FBXO38: variants seen among roughly 807,000 people sequenced by gnomAD.
FBXO38 encodes the protein F-box protein 38, also known as F-box only protein 38.
FBXO38 carries 53 observed loss-of-function variants against 131.9 expected under a neutral mutation model. The ratio of observed to expected loss-of-function variants is 0.40; its 90% CI spans 0.32 to 0.51. The LOEUF is 0.51. Among genes scored for constraint, FBXO38 ranks in the 20% least tolerant of loss-of-function variants. FBXO38 has a pLI of 0.53. For synonymous variants in FBXO38, 452 were observed against 505.6 expected (o/e 0.89, Z 1.42); for missense variants, 1,076 against 1,475.6 (o/e 0.73, Z 4.44).
intron 14 of FBXO38, among the ~76,000 whole-genome samples, chr5:148,426,942 G>C (rs1753741201): frequency 6.6e-6 from 1 of 152,158 alleles, no homozygotes; most frequent in Middle Eastern, 3.2e-3. Context: ...CTGGAATGTA[G>C]AATGTATATG....
chr5:148,409,511 G>A (rs1752632696), intron 8 of FBXO38, among the ~76,000 whole-genome samples: 1 of 152,174 alleles, frequency 6.6e-6, no homozygotes, highest in Non-Finnish European at 1.5e-5. Flanking sequence ...ATAGAAGTTA[G>A]CATTGAAGCT....
intron 3 of FBXO38, among the ~76,000 whole-genome samples, chr5:148,400,655 T>C (rs1281414996): frequency 6.6e-6 from 1 of 152,150 alleles, no homozygotes; most frequent in Non-Finnish European, 1.5e-5. Context: ...AATAGTACTT[T>C]ATGGTTTACG....
intron 17 of FBXO38, among the ~76,000 whole-genome samples, chr5:148,435,819 T>C (rs751268939): frequency 2.0e-5 from 3 of 152,150 alleles, no homozygotes; most frequent in Non-Finnish European, 4.4e-5. Context: ...TTCCTTTTAC[T>C]TGAACACTTA....
chr5:148,419,996 A>C (rs1437822997), intron 12 of FBXO38, among the ~76,000 whole-genome samples: 1 of 152,152 alleles, frequency 6.6e-6, no homozygotes, highest in Non-Finnish European at 1.5e-5. Flanking sequence ...ATATTATCTT[A>C]AGTTTGTATT....
chr5:148,438,204 T>C, intron 17 of FBXO38, 128 bp from the exon 18 acceptor site: 1 of 777,056 alleles, frequency 1.3e-6, no homozygotes, highest in Non-Finnish European at 1.9e-6. Context: ...TAACTGTGAT[T>C]TGTACTCTAT....
At chr5:148,425,786 A>C in intron 14 of FBXO38, 85 bp downstream of exon 14, 1 of 1,161,340 alleles carries the variant, frequency 8.6e-7, no homozygotes, top group Non-Finnish European at 1.2e-6. Context: ...ACTTGGGTGC[A>C]GTTAACATAT....
chr5:148,405,695 G>C (rs1450496211), intron 6 of FBXO38, among the ~76,000 whole-genome samples: 3 of 152,114 alleles, frequency 2.0e-5, no homozygotes, highest in Non-Finnish European at 2.9e-5. Context: ...CTCTGTTTTT[G>C]TATGCGTTCT....
At chr5:148,416,682 G>C (rs1753073620) in intron 11 of FBXO38, 1 of 338,426 alleles carries the variant, frequency 3.0e-6, no homozygotes. Context: ...CAATATAATG[G>C]GGAAAGCTCA....
chr5:148,438,249 C>A, intron 17 of FBXO38, 83 bp from the exon 18 acceptor site: 1 of 1,170,754 alleles, frequency 8.5e-7, no homozygotes, highest in Non-Finnish European at 1.2e-6. Context: ...ATGTTTGTTA[C>A]TGCAGTATTT....
chr5:148,393,587 G>A (rs1040985594), intron 1 of FBXO38, among the ~76,000 whole-genome samples: 2 of 152,048 alleles, frequency 1.3e-5, no homozygotes, highest in Non-Finnish European at 2.9e-5. Context: ...TACTGTCTTT[G>A]CAGCAGTTAT....
At position 148,422,432 on chromosome 5, in the gene FBXO38, C is replaced by CT. The variant is rs373036502; in HGVS notation, c.1619-1564dup. ...AATGTTAATCTCAGAGATGTCTTTC[C>CT]TTGCCATCTGATCTTAAGCAGCCAC... On this transcript the variant is annotated intron_variant, in intron 12 of 21. Transcript: ENST00000340253. Among the ~76,000 whole-genome samples the CT allele has an allele frequency of 9.9e-5, 15 of 152,264 alleles. No homozygotes were observed. The East Asian group carries it at 2.3e-3, about 24-fold the overall frequency.
chr5:148,418,310 T>G (rs1753184172), intron 12 of FBXO38, among the ~76,000 whole-genome samples: 2 of 152,200 alleles, frequency 1.3e-5, no homozygotes, highest in African/African-American at 4.8e-5. Flanking sequence ...CCTCCTGTAT[T>G]CCACTTTTGT....
At chr5:148,408,562 C>T (rs543959903) in intron 7 of FBXO38, among the ~76,000 whole-genome samples, 71 of 152,234 alleles carry the variant, frequency 4.7e-4, no homozygotes, top group Non-Finnish European at 7.9e-4. Flanking sequence ...AGCTACACAG[C>T]GATATGGATG....
chr5:148,421,839 C>T (rs865985581), intron 12 of FBXO38, among the ~76,000 whole-genome samples: 1 of 152,154 alleles, frequency 6.6e-6, no homozygotes, highest in Admixed American at 6.5e-5. Flanking sequence ...CCAAGAATCA[C>T]TTGTATCTTC....
At chr5:148,385,776 C>T (rs1204269207) in intron 1 of FBXO38, among the ~76,000 whole-genome samples, 1 of 152,056 alleles carries the variant, frequency 6.6e-6, no homozygotes, top group East Asian at 1.9e-4. Flanking sequence ...AAGTGATATG[C>T]AAGATTACTT....
chr5:148,388,465 C>T (rs58737746), intron 1 of FBXO38, among the ~76,000 whole-genome samples: 3 of 152,184 alleles, frequency 2.0e-5, no homozygotes, highest in Non-Finnish European at 4.4e-5. Context: ...GAAGGCTGTA[C>T]GTACTGAAAA....
intron 3 of FBXO38, among the ~76,000 whole-genome samples, chr5:148,400,282 T>C (rs1019739211): frequency 6.6e-6 from 1 of 152,064 alleles, no homozygotes; most frequent in Admixed American, 6.6e-5. Flanking sequence ...GAAAAAAAAT[T>C]AGGGCAGTGT....
intron 14 of FBXO38, among the ~76,000 whole-genome samples, chr5:148,426,958 T>C (rs1753742554): frequency 6.6e-6 from 1 of 152,014 alleles, no homozygotes; most frequent in African/African-American, 2.4e-5. Flanking sequence ...ATATGGAGGG[T>C]ACGACATGGA....
chr5:148,403,654 C>G (rs1403015861), intron 5 of FBXO38, among the ~76,000 whole-genome samples: 1 of 152,112 alleles, frequency 6.6e-6, no homozygotes, highest in African/African-American at 2.4e-5. Flanking sequence ...ATAGTTCAAA[C>G]TAAATTTAAC....
Sources: gnomAD v4.1 joint callset for allele counts (sites outside exome capture counted in the v4.1 genomes callset) on GRCh38, gnomAD v4.1.1 for gene constraint, MANE v1.5 for transcripts, NCBI Gene and HGNC (gene_info 2026-07-23, HGNC 2026-07-21) for gene names.